Variants in HECW1 observed in about 807,000 individuals in gnomAD.
The protein encoded by HECW1 is E3 ubiquitin-protein ligase HECW1.
A neutral mutation model predicts 182.3 loss-of-function variants in HECW1; 61 were observed. That is an observed-to-expected ratio of 0.33 (90% CI 0.27 to 0.41). The LOEUF (loss-of-function observed/expected upper bound fraction) is 0.41. Ranked by LOEUF, HECW1 falls within the 10% of genes least tolerant of loss-of-function variation. HECW1 has a pLI of 1.00. For missense variants in HECW1, 1,739 were observed against 2,108.9 expected (o/e 0.82, Z 3.44); for synonymous variants, 859 against 832.6 (o/e 1.03, Z -0.55).
chr7:43,405,294 C>T (rs1184019835), intron 7 of HECW1, among the ~76,000 whole-genome samples: 1 of 152,092 alleles, frequency 6.6e-6, no homozygotes, highest in Non-Finnish European at 1.5e-5. Flanking sequence ...GTCAGGATCT[C>T]CAAGATCACC....
chr7:43,530,853 G>GC (rs56370175), intron 24 of HECW1, among the ~76,000 whole-genome samples: 24,275 of 152,106 alleles, frequency 0.16, 2,540 homozygotes, highest in Non-Finnish European at 0.24. Flanking sequence ...CTCCAAATCT[G>GC]CCCCCTCCTA....
chr7:43,193,940 A>C (rs1029597387), intron 2 of HECW1, among the ~76,000 whole-genome samples: 8 of 152,188 alleles, frequency 5.3e-5, no homozygotes, highest in African/African-American at 1.9e-4. Flanking sequence ...CCATTTCAAA[A>C]TATGTCAAAA....
intron 2 of HECW1, among the ~76,000 whole-genome samples, chr7:43,126,048 G>A (rs10274944): frequency 0.61 from 87,821 of 143,756 alleles, 27,188 homozygotes; most frequent in African/African-American, 0.75. Flanking sequence ...AGGCGTGCGT[G>A]TATATGAGTT....
At chr7:43,274,163 A>G (rs1802785803) in intron 3 of HECW1, 1 of 421,178 alleles carries the variant, frequency 2.4e-6, no homozygotes, top group South Asian at 7.2e-5. Flanking sequence ...GACGCCATGA[A>G]GGCCTCGGGT....
At chr7:43,387,685 G>C (rs1250810573) in intron 6 of HECW1, among the ~76,000 whole-genome samples, 3 of 152,174 alleles carry the variant, frequency 2.0e-5, no homozygotes, top group Non-Finnish European at 4.4e-5. Flanking sequence ...ACTCTTCTAA[G>C]CTGGACCAAA....
chr7:43,407,380 G>T (rs1438696685), intron 7 of HECW1, among the ~76,000 whole-genome samples, 182 bp from the exon 8 acceptor site: 1 of 151,804 alleles, frequency 6.6e-6, no homozygotes, highest in African/African-American at 2.4e-5. Context: ...TTCTCTCCCT[G>T]TGCTACCCAC....
At chr7:43,198,705 CCCA>C (rs959734645) in intron 2 of HECW1, among the ~76,000 whole-genome samples, 60 of 150,306 alleles carry the variant, frequency 4.0e-4, no homozygotes, top group Middle Eastern at 3.4e-3. Context: ...ACATACACCC[CCCA>C]CAATACAGAT....
At chr7:43,550,111 A>AAAAG (rs1554468409) in intron 26 of HECW1, among the ~76,000 whole-genome samples, 3 of 151,702 alleles carry the variant, frequency 2.0e-5, no homozygotes, top group South Asian at 2.1e-4. Context: ...TACCAAAAAA[A>AAAAG]AAGAAGAAGA....
At chr7:43,374,268 C>G (rs1243271138) in intron 6 of HECW1, among the ~76,000 whole-genome samples, 1 of 152,116 alleles carries the variant, frequency 6.6e-6, no homozygotes, top group African/African-American at 2.4e-5. Context: ...GAAAATTACA[C>G]CTGTTCTCTA....
intron 6 of HECW1, among the ~76,000 whole-genome samples, chr7:43,375,244 A>T (rs2152822809): frequency 6.6e-6 from 1 of 152,266 alleles, no homozygotes; most frequent in South Asian, 2.1e-4. Flanking sequence ...GAAAATTTGA[A>T]TGTTCTCTTC....
At chr7:43,307,876 C>CTATATCTATATATACA (rs1807788266) in intron 3 of HECW1, among the ~76,000 whole-genome samples, 1 of 127,604 alleles carries the variant, frequency 7.8e-6, no homozygotes, top group African/African-American at 3.0e-5. Context: ...AATCATTTCA[C>CTATATCTATATATACA]TATATATATA....
At chr7:43,308,345 G>A (rs1478196244) in intron 3 of HECW1, among the ~76,000 whole-genome samples, 1 of 127,464 alleles carries the variant, frequency 7.8e-6, no homozygotes, top group Admixed American at 9.2e-5. Context: ...TATATTATAT[G>A]ATATATTTAT....
intron 3 of HECW1, among the ~76,000 whole-genome samples, chr7:43,257,847 T>G (rs1211383950): frequency 6.6e-6 from 1 of 151,928 alleles, no homozygotes; most frequent in Non-Finnish European, 1.5e-5. Flanking sequence ...CAATTAGAAA[T>G]AAGAAGAAGA....
chr7:43,321,054 G>A (rs545106544), intron 5 of HECW1, among the ~76,000 whole-genome samples: 18 of 152,216 alleles, frequency 1.2e-4, no homozygotes, highest in East Asian at 5.8e-4. Context: ...TGGCTCCTCC[G>A]GGGGCATCTC....
intron 5 of HECW1, among the ~76,000 whole-genome samples, chr7:43,323,512 GGAAGTT>G (rs1247771836): frequency 6.6e-6 from 1 of 152,060 alleles, no homozygotes; most frequent in Non-Finnish European, 1.5e-5. Context: ...CCTGTACCGT[GGAAGTT>G]GAGGCTGCAG....
intron 6 of HECW1, among the ~76,000 whole-genome samples, chr7:43,391,375 T>C (rs146345324): frequency 6.6e-6 from 1 of 152,332 alleles, no homozygotes; most frequent in Non-Finnish European, 1.5e-5. Flanking sequence ...CCACGAGAAA[T>C]AGCAGCCTGA....
chr7:43,295,924 A>G (rs1251905606), intron 3 of HECW1, among the ~76,000 whole-genome samples: 1 of 152,220 alleles, frequency 6.6e-6, no homozygotes, highest in Non-Finnish European at 1.5e-5. Flanking sequence ...ACTCAAATCT[A>G]TAGACAAATT....
At chr7:43,512,287 A>T (rs561972171) in intron 24 of HECW1, among the ~76,000 whole-genome samples, 1 of 152,354 alleles carries the variant, frequency 6.6e-6, no homozygotes, top group East Asian at 1.9e-4. Context: ...TGCAGGAAGG[A>T]CAGAGGTGCC....
At chr7:43,476,714 G>A (rs1055878318) in intron 16 of HECW1, among the ~76,000 whole-genome samples, 7 of 152,080 alleles carry the variant, frequency 4.6e-5, no homozygotes, top group Non-Finnish European at 1.5e-5. Context: ...GGAAATGAAT[G>A]ATTTGGAAAA....
Sources: allele counts gnomAD v4.1 joint callset (sites outside exome capture counted in the v4.1 genomes callset), GRCh38; gene constraint gnomAD v4.1.1; transcripts MANE v1.5; gene names NCBI Gene and HGNC (gene_info 2026-07-23, HGNC 2026-07-21).